The following SKP1 variants were observed in gnomAD, a reference collection of about 807,000 sequenced individuals.
The protein encoded by SKP1 is S-phase kinase-associated protein 1.
A neutral mutation model predicts 21.5 loss-of-function variants in SKP1; 1 was observed. That is an observed-to-expected ratio of 0.05 (90% CI 0.02 to 0.22). The LOEUF is 0.22. SKP1 is among the 10% of genes least tolerant of loss of function. The pLI is 1.00. For synonymous variants in SKP1, 59 were observed against 59.3 expected (o/e 0.99, Z 0.03); for missense variants, 70 against 192.0 (o/e 0.36, Z 3.76).
At chr5:134,158,620 TA>T (rs1422867811) in intron 4 of SKP1, 25 bp from the exon 5 acceptor site, 2 of 1,602,472 alleles carry the variant, frequency 1.2e-6, no homozygotes, top group African/African-American at 2.7e-5. Context: ...TTGTTTTCCT[TA>T]AAGTATACTT....
At chr5:134,174,750 A>C (rs1249052004) in intron 1 of SKP1, 1 of 152,176 alleles carries the variant, frequency 6.6e-6, no homozygotes, top group East Asian at 1.9e-4. Context: ...CGTTAGGAAA[A>C]AGATATAATC....
rs2149371192 is a variant in SKP1, at chr5:134,150,668, G to A, written c.*7065C>T. ...TCAGGGCTTTAAGAGTTCACCAAGG[G>A]TTTCTGAAACAGCTGCCCACCCAAG... On this transcript the variant is annotated 3_prime_UTR_variant, in exon 6 of 6. Coordinates refer to ENST00000353411, the MANE Select transcript of SKP1 (RefSeq NM_170679.3). 1 of 152,228 alleles carries A rather than the reference G, an allele frequency of 6.6e-6. No homozygotes were observed. Among genetic ancestry groups the A allele is most frequent in the South Asian group, 2.1e-4 (1 of 4,818 alleles). 9.4% of individuals were successfully genotyped at this position (152,228 alleles called of 1,614,324 possible).
At chr5:134,158,824 G>A (rs1025428691) in intron 4 of SKP1, among the ~76,000 whole-genome samples, 1 of 151,984 alleles carries the variant, frequency 6.6e-6, no homozygotes, top group African/African-American at 2.4e-5. Context: ...AACTATACTA[G>A]CTCAAATGTG....
intron 2 of SKP1, among the ~76,000 whole-genome samples, chr5:134,168,827 AG>A (rs1329138124): frequency 3.3e-5 from 5 of 152,128 alleles, no homozygotes; most frequent in African/African-American, 7.2e-5. Flanking sequence ...AACTATTTTT[AG>A]GAAGAGAGGA....
At chr5:134,158,192 G>A (rs1049576729) in intron 5 of SKP1, 2 of 1,400,098 alleles carry the variant, frequency 1.4e-6, no homozygotes, top group African/African-American at 2.9e-5. Flanking sequence ...AAAGTTGCAG[G>A]TGCCAAAACT....
chr5:134,171,716 T>C (rs538374483), intron 2 of SKP1, among the ~76,000 whole-genome samples: 142 of 152,340 alleles, frequency 9.3e-4, no homozygotes, highest in African/African-American at 3.1e-3. Flanking sequence ...TACTTCAGAA[T>C]GATCTCCCAA....
chr5:134,161,615 G>A (rs1356672130), intron 3 of SKP1: 2 of 152,338 alleles, frequency 1.3e-5, no homozygotes, highest in African/African-American at 4.8e-5. Flanking sequence ...GATACTAATT[G>A]TTGGGCAATA....
At chr5:134,176,493 C>G (rs1761549085) in intron 1 of SKP1, 1 of 152,478 alleles carries the variant, frequency 6.6e-6, no homozygotes, top group Non-Finnish European at 1.5e-5. Context: ...GCCCTGGTCC[C>G]CGGGACAGCA....
Position 134,148,984 on chromosome 5 carries a change from T to G in SKP1, c.*8749A>C, listed in dbSNP as rs1450360013. ...CACCATATCCACTTTATTTTTAGAT[T>G]ATTTGTATACATTTAGGGGGTACAA... On this transcript the variant is annotated 3_prime_UTR_variant, in exon 6 of 6. Transcript: ENST00000353411. The G allele has an allele frequency of 6.6e-6, 1 of 152,254 alleles. No individual in the cohort carries two copies. Among genetic ancestry groups the G allele is most frequent in the Non-Finnish European group, 1.5e-5 (1 of 68,044 alleles). 9.4% of individuals were successfully genotyped at this position (152,254 alleles called of 1,614,324 possible).
Position 134,150,646 on chromosome 5 carries a change from G to A in SKP1, c.*7087C>T, listed in dbSNP as rs182729406. ...TTCAGAGCATTTTTTAAGCTCTTCA[G>A]GGCTTTAAGAGTTCACCAAGGGTTT... On this transcript the variant is annotated 3_prime_UTR_variant, in exon 6 of 6. Transcript: ENST00000353411. The A allele has an allele frequency of 1.3e-5, 2 of 152,244 alleles. No individual in the cohort carries two copies. The highest frequency in any genetic ancestry group is 2.1e-4 in the South Asian group (1 of 4,822). The allele number at this position is 152,244 out of a possible 1,614,324, so 9.4% of individuals were successfully genotyped here.
chr5:134,160,866 T>C, intron 4 of SKP1, 121 bp downstream of exon 4: 4 of 662,884 alleles, frequency 6.0e-6, no homozygotes, highest in Admixed American at 3.1e-5. Context: ...GATTTAAATA[T>C]GGCGTTACAT....
At chr5:134,170,875 T>C (rs963904947) in intron 2 of SKP1, 2 of 389,520 alleles carry the variant, frequency 5.1e-6, no homozygotes, top group African/African-American at 4.2e-5. Context: ...TAAAGAACAC[T>C]TTCAATGCCA....
chr5:134,154,913 C>G lies in SKP1; in HGVS notation c.*2820G>C, dbSNP rs1761099445. The G allele has an allele frequency of 1.3e-5, 2 of 152,230 alleles. No individual in the cohort carries two copies. The highest frequency in any genetic ancestry group is 4.8e-5 in the African/African-American group (2 of 41,454). The allele number at this position is 152,230 out of a possible 1,614,324, so 9.4% of individuals were successfully genotyped here. ...ATCAGCTATTATCAAGCTCTCCCCT[C>G]TCATGCATTAAAACTACTCTTCTTG... On this transcript the variant is annotated 3_prime_UTR_variant, in exon 6 of 6. Transcript: ENST00000353411.
Position 134,161,127 on chromosome 5 carries a change from T to C in SKP1, c.175A>G (p.Ile59Val). The C allele has an allele frequency of 6.2e-7, 1 of 1,606,242 alleles. No individual in the cohort carries two copies. The highest frequency in any genetic ancestry group is 8.5e-7 in the Non-Finnish European group (1 of 1,175,964). ...TCCTTGTGGTGGGTGCACCACTGAATGACCTACAACAACAAAAGTTCATTC... is the reference window on the plus strand; with the variant it reads ...TCCTTGTGGTGGGTGCACCACTGAACGACCTACAACAACAAAAGTTCATTC... ...NVNAAILKKVIQWCTHHKDDP... is the reference protein window; with the variant it reads ...NVNAAILKKVVQWCTHHKDDP... Residue 59 changes from isoleucine (I) to valine (V), a missense_variant, in exon 4 of 6, where the codon ATT becomes GTT. Coordinates refer to ENST00000353411, the MANE Select transcript of SKP1 (RefSeq NM_170679.3).
Position 134,164,911 on chromosome 5 carries a change from T to C in SKP1, c.171+2259A>G, listed in dbSNP as rs138303876. The stretch of plus-strand genomic sequence containing the variant: ...CAACATGGATGAACCTTGAAAACAT[T>C]ATGCTAAGTGAAATAAGCCAGATAC... On this transcript the variant is annotated intron_variant, in intron 3 of 5. Coordinates refer to ENST00000353411, the MANE Select transcript of SKP1 (RefSeq NM_170679.3). Among the ~76,000 whole-genome samples the C allele has an allele frequency of 8.7e-4, 133 of 152,340 alleles. 3 individuals are homozygous for C. The East Asian group carries it at 0.021, about 24-fold the overall frequency.
At chr5:134,157,943 G>C in intron 5 of SKP1, 175 bp from the exon 6 acceptor site, 3 of 1,530,348 alleles carry the variant, frequency 2.0e-6, no homozygotes, top group Non-Finnish European at 2.6e-6. Flanking sequence ...TGCCTCCCAT[G>C]GTTTTTATTC....
At position 134,152,486 on chromosome 5, in the gene SKP1, C is replaced by T. The variant is rs1156839727; in HGVS notation, c.*5247G>A. ...ATTAGTTTCACTTTACAAAACCTTT[C>T]GTAGCACCTTTCAGCTCTGTAGCCC... On this transcript the variant is annotated 3_prime_UTR_variant, in exon 6 of 6. Transcript: ENST00000353411. 1.3e-4 allele frequency: 20 copies of T among 152,276 alleles called. 1 individual carries two copies. Among genetic ancestry groups the T allele is most frequent in the Admixed American group, 1.2e-3 (19 of 15,276 alleles). 9.4% of individuals were successfully genotyped at this position (152,276 alleles called of 1,614,324 possible).
At chr5:134,167,746 G>A (rs1027300785) in intron 2 of SKP1, among the ~76,000 whole-genome samples, 1 of 152,070 alleles carries the variant, frequency 6.6e-6, no homozygotes, top group South Asian at 2.1e-4. Flanking sequence ...GGATGGTCTC[G>A]ATCTCCTGAC....
chr5:134,158,062 C>T, intron 5 of SKP1: 1 of 1,451,114 alleles, frequency 6.9e-7, no homozygotes, highest in Non-Finnish European at 9.1e-7. Flanking sequence ...GTCATGTCAA[C>T]AAAATCATTC....
Sources: gnomAD v4.1 joint callset for allele counts (sites outside exome capture counted in the v4.1 genomes callset) on GRCh38, gnomAD v4.1.1 for gene constraint, MANE v1.5 for transcripts, NCBI Gene and HGNC (gene_info 2026-07-23, HGNC 2026-07-21) for gene names.